SCAF4: variants seen among roughly 807,000 people sequenced by gnomAD.
SCAF4 encodes the protein SR-related and CTD-associated factor 4.
Under a neutral mutation model 129.8 loss-of-function variants are expected in SCAF4, and 25 were observed. The observed-to-expected ratio is 0.19, with a 90% CI of 0.14 to 0.27. The LOEUF is 0.27. SCAF4 is among the 10% of genes least tolerant of loss of function. SCAF4 has a pLI of 1.00. For synonymous variants in SCAF4, 551 were observed against 497.7 expected, an observed-to-expected ratio of 1.11 and a Z score of -1.43; for missense variants, 1,246 against 1,457.1, an observed-to-expected ratio of 0.86 and a Z score of 2.36.
chr21:31,709,852 C>CT (rs900182701), intron 1 of SCAF4, among the ~76,000 whole-genome samples: 8 of 134,952 alleles, frequency 5.9e-5, no homozygotes, highest in African/African-American at 2.3e-4. Flanking sequence ...TGAGATGATA[C>CT]TTAAAAAAAA....
chr21:31,685,509 C>T (rs2050098400), intron 17 of SCAF4, 25 bp from the exon 18 acceptor site: 1 of 1,613,278 alleles, frequency 6.2e-7, no homozygotes, highest in Non-Finnish European at 8.5e-7. Context: ...ATAATGTCAA[C>T]TTATGCTGTA....
chr21:31,696,546 G>A, intron 8 of SCAF4, 23 bp downstream of exon 8: 1 of 1,574,274 alleles, frequency 6.4e-7, no homozygotes, highest in Non-Finnish European at 8.6e-7. Flanking sequence ...TCTATCTGCT[G>A]AGGAATAAAA....
Position 31,693,452 on chromosome 21 carries a change from G to A in SCAF4, c.1355C>T (p.Ser452Phe). Reference protein sequence around the residue: ...SPKRRRSRSGSRSRRSRHRRS... With the variant: ...SPKRRRSRSGFRSRRSRHRRS... ...TCGATGCCGAGACCTTCGAGATCTA[G>A]AACCAGATCTAGATCGCCTCCTTTT... Residue 452 changes from serine to phenylalanine, a missense_variant, in exon 12 of 20, where the codon TCT becomes TTT. Transcript: ENST00000286835. 6.5e-7 allele frequency: 1 copy of A among 1,541,968 alleles called. No homozygotes were observed. Among genetic ancestry groups the A allele is most frequent in the Non-Finnish European group, 8.8e-7 (1 of 1,131,950 alleles).
chr21:31,680,165 CA>C (rs2049963947), intron 19 of SCAF4, among the ~76,000 whole-genome samples: 2 of 152,210 alleles, frequency 1.3e-5, no homozygotes, highest in Admixed American at 1.3e-4. Context: ...TTCAGACTTG[CA>C]CTCTGGAGCA....
At chr21:31,687,193 G>A (rs2050146401) in intron 16 of SCAF4, among the ~76,000 whole-genome samples, 1 of 152,152 alleles carries the variant, frequency 6.6e-6, no homozygotes, top group African/African-American at 2.4e-5. Flanking sequence ...ACTGAGGAAG[G>A]AAGACAAGAA....
At chr21:31,695,951 T>C (rs2050374524) in intron 9 of SCAF4, among the ~76,000 whole-genome samples, 162 bp downstream of exon 9, 1 of 152,232 alleles carries the variant, frequency 6.6e-6, no homozygotes, top group African/African-American at 2.4e-5. Flanking sequence ...TTGTTTTAAT[T>C]ACAGAAAAAA....
At chr21:31,673,501 C>T (rs1049779106) in intron 19 of SCAF4, among the ~76,000 whole-genome samples, 2 of 132,888 alleles carry the variant, frequency 1.5e-5, no homozygotes, top group Non-Finnish European at 1.6e-5. Flanking sequence ...ACAGCAAAAG[C>T]GCCAGAAATT....
chr21:31,717,515 C>A (rs1351238583), intron 1 of SCAF4, among the ~76,000 whole-genome samples: 1 of 151,928 alleles, frequency 6.6e-6, no homozygotes, highest in Non-Finnish European at 1.5e-5. Context: ...TTGTATCTGT[C>A]TGAGATACAT....
intron 1 of SCAF4, among the ~76,000 whole-genome samples, chr21:31,718,110 A>ATT (rs567173462): frequency 6.6e-6 from 1 of 151,780 alleles, no homozygotes; most frequent in Non-Finnish European, 1.5e-5. Flanking sequence ...CACCTGGCTA[A>ATT]TTTTTTTGTA....
chr21:31,722,019 C>T (rs1424654280), intron 1 of SCAF4, among the ~76,000 whole-genome samples: 1 of 152,108 alleles, frequency 6.6e-6, no homozygotes, highest in Non-Finnish European at 1.5e-5. Context: ...CACGCCTGGC[C>T]TGAGCACAGG....
intron 16 of SCAF4, among the ~76,000 whole-genome samples, chr21:31,686,579 C>A (rs1331092567): frequency 6.6e-6 from 1 of 152,032 alleles, no homozygotes; most frequent in African/African-American, 2.4e-5. Context: ...ACTTAAATAC[C>A]CAACAAACGT....
Position 31,671,771 on chromosome 21 carries a change from A to G in SCAF4, c.3072T>C (p.Asp1024=). The change falls in exon 20 of 20, where the codon GAT becomes GAC. Residue 1024 remains aspartate, a synonymous_variant. Transcript: ENST00000286835. ...ERYGNRNDDR[D]NSNRDRREWG... ...ACTCTCTCCTGTCACGGTTACTATT[A>G]TCTCTATCATCATTACGGTTCCCAT... 6.2e-7 allele frequency: 1 copy of G among 1,613,852 alleles called. No individual in the cohort carries two copies. The highest frequency in any genetic ancestry group is 1.1e-5 in the South Asian group (1 of 91,070).
At chr21:31,679,228 T>C (rs1442231218) in intron 19 of SCAF4, among the ~76,000 whole-genome samples, 2 of 152,226 alleles carry the variant, frequency 1.3e-5, no homozygotes, top group South Asian at 2.1e-4. Context: ...TGAGTGTCAC[T>C]GTGGCACTTT....
intron 7 of SCAF4, among the ~76,000 whole-genome samples, chr21:31,697,434 T>C (rs1419454269): frequency 3.3e-5 from 5 of 152,196 alleles, no homozygotes; most frequent in Non-Finnish European, 4.4e-5. Flanking sequence ...TCAGATCATA[T>C]AGACTTCATC....
At chr21:31,724,238 A>C (rs544878524) in intron 1 of SCAF4, among the ~76,000 whole-genome samples, 2 of 152,352 alleles carry the variant, frequency 1.3e-5, no homozygotes, top group African/African-American at 4.8e-5. Flanking sequence ...ACTTAATATT[A>C]ACACAGAAAT....
intron 19 of SCAF4, among the ~76,000 whole-genome samples, chr21:31,676,196 C>G (rs1425638777): frequency 6.6e-6 from 1 of 152,132 alleles, no homozygotes; most frequent in Admixed American, 6.5e-5. Flanking sequence ...GTCAACAACC[C>G]TATCTTCCAT....
chr21:31,727,824 T>C (rs1253763655), intron 1 of SCAF4, among the ~76,000 whole-genome samples: 1 of 152,066 alleles, frequency 6.6e-6, no homozygotes, highest in East Asian at 1.9e-4. Flanking sequence ...TTTATTCTAT[T>C]CCACAAACTT....
intron 1 of SCAF4, among the ~76,000 whole-genome samples, chr21:31,724,008 T>C (rs1290169473): frequency 6.6e-6 from 1 of 152,246 alleles, no homozygotes; most frequent in African/African-American, 2.4e-5. Context: ...ACTACTAATC[T>C]GGTACAGTGC....
At chr21:31,679,919 A>G (rs1027992440) in intron 19 of SCAF4, among the ~76,000 whole-genome samples, 7 of 152,238 alleles carry the variant, frequency 4.6e-5, no homozygotes, top group African/African-American at 1.7e-4. Context: ...TGCAATAGCT[A>G]TGAGTTAAAA....
Sources: gnomAD v4.1 joint callset for allele counts (sites outside exome capture counted in the v4.1 genomes callset) on GRCh38, gnomAD v4.1.1 for gene constraint, MANE v1.5 for transcripts, NCBI Gene and HGNC (gene_info 2026-07-23, HGNC 2026-07-21) for gene names.